Variants in ELAVL2 observed in about 807,000 individuals in gnomAD.
The protein encoded by ELAVL2 is ELAV-like protein 2.
In ELAVL2, 4 loss-of-function variants were observed where a neutral mutation model predicts 34.6. The observed-to-expected ratio is 0.12, with a 90% CI of 0.06 to 0.26. The LOEUF (loss-of-function observed/expected upper bound fraction) is 0.26. ELAVL2 is among the 10% of genes least tolerant of loss of function. The pLI, the probability that ELAVL2 is intolerant of heterozygous loss-of-function variation, is 1.00. For synonymous variants in ELAVL2, 193 were observed against 154.8 expected (o/e 1.25, Z -1.83); for missense variants, 432 against 442.8 (o/e 0.98, Z 0.22).
intron 2 of ELAVL2, among the ~76,000 whole-genome samples, chr9:23,758,710 C>T (rs1342387031): frequency 3.3e-5 from 5 of 152,088 alleles, no homozygotes; most frequent in Non-Finnish European, 7.4e-5. Flanking sequence ...ACTCACTCTT[C>T]CCACAGTCCC....
chr9:23,809,289 T>C (rs1021992694), intron 1 of ELAVL2, among the ~76,000 whole-genome samples: 1 of 152,090 alleles, frequency 6.6e-6, no homozygotes, highest in South Asian at 2.1e-4. Context: ...ATTTATACTC[T>C]AGGAAGAGTA....
the ELAVL2 span, among the ~76,000 whole-genome samples, chr9:23,833,415 C>T: frequency 6.6e-6 from 1 of 151,706 alleles, no homozygotes; most frequent in Non-Finnish European, 1.5e-5. Flanking sequence ...ACAGCTTAAA[C>T]TGTTCTTTAA....
At chr9:23,745,045 A>T (rs1271676820) in intron 2 of ELAVL2, among the ~76,000 whole-genome samples, 1 of 152,040 alleles carries the variant, frequency 6.6e-6, no homozygotes, top group Non-Finnish European at 1.5e-5. Context: ...GTCTCTACAA[A>T]ATATATAAAT....
At chr9:23,798,179 G>A (rs1398953388) in intron 1 of ELAVL2, among the ~76,000 whole-genome samples, 1 of 152,192 alleles carries the variant, frequency 6.6e-6, no homozygotes, top group Non-Finnish European at 1.5e-5. Flanking sequence ...TAACTCAAAT[G>A]TGCCTAAATT....
chr9:23,802,648 T>C (rs1190871226), intron 1 of ELAVL2, among the ~76,000 whole-genome samples: 1 of 152,194 alleles, frequency 6.6e-6, no homozygotes, highest in Non-Finnish European at 1.5e-5. Context: ...AAGAGTCCTC[T>C]GAGACTTCCT....
chr9:23,759,835 C>A (rs2135942880), intron 2 of ELAVL2, among the ~76,000 whole-genome samples: 1 of 141,060 alleles, frequency 7.1e-6, no homozygotes, highest in African/African-American at 2.6e-5. Flanking sequence ...TTTCAATACT[C>A]ATGACCATTG....
At chr9:23,791,853 G>A (rs1034708607) in intron 1 of ELAVL2, among the ~76,000 whole-genome samples, 2 of 152,232 alleles carry the variant, frequency 1.3e-5, no homozygotes, top group African/African-American at 4.8e-5. Context: ...TGCTACCCAG[G>A]CTATGGTATT....
At chr9:23,793,619 C>T (rs1358556333) in intron 1 of ELAVL2, among the ~76,000 whole-genome samples, 1 of 152,170 alleles carries the variant, frequency 6.6e-6, no homozygotes, top group East Asian at 1.9e-4. Flanking sequence ...GCCTCTTCAA[C>T]ACTCTCTTTA....
intron 3 of ELAVL2, among the ~76,000 whole-genome samples, chr9:23,718,902 C>A (rs909779886): frequency 2.0e-5 from 3 of 152,180 alleles, no homozygotes; most frequent in Non-Finnish European, 2.9e-5. Context: ...CTATTAGACA[C>A]CTGAGCTGTA....
intron 3 of ELAVL2, among the ~76,000 whole-genome samples, chr9:23,718,735 T>C (rs1199117803): frequency 6.6e-6 from 1 of 152,200 alleles, no homozygotes; most frequent in East Asian, 1.9e-4. Flanking sequence ...CCCTGAAACA[T>C]TAGTGAGTGT....
At chr9:23,714,021 A>G (rs1415824428) in intron 3 of ELAVL2, among the ~76,000 whole-genome samples, 2 of 152,216 alleles carry the variant, frequency 1.3e-5, no homozygotes, top group African/African-American at 4.8e-5. Flanking sequence ...ATGCAACAAT[A>G]AAACTATTAG....
rs1388517928 is a variant in ELAVL2, at chr9:23,801,022, T to C, written c.-16+24784A>G. On this transcript the variant is annotated intron_variant, in intron 1 of 6. Transcript: ENST00000397312. ...TTTACAGCTGGGCCCAGCAGAGATC[T>C]ACAAATTAAGGCTAATTGTGAACTG... Among the ~76,000 whole-genome samples, 7 of 152,186 alleles carry C rather than the reference T, an allele frequency of 4.6e-5. 1 individual carries two copies. The highest frequency in any genetic ancestry group is 8.8e-5 in the Non-Finnish European group (6 of 68,034).
chr9:23,714,447 C>A (rs916854134), intron 3 of ELAVL2, among the ~76,000 whole-genome samples: 1 of 152,180 alleles, frequency 6.6e-6, no homozygotes. Flanking sequence ...TGCTGGGAAG[C>A]CTGCAGCCTG....
At chr9:23,694,138 G>A (rs2132720414) in intron 5 of ELAVL2, among the ~76,000 whole-genome samples, 1 of 152,240 alleles carries the variant, frequency 6.6e-6, no homozygotes, top group South Asian at 2.1e-4. Context: ...TCACTCCAGT[G>A]TGCAACAAAG....
chr9:23,726,420 C>T (rs1587764217), intron 3 of ELAVL2, among the ~76,000 whole-genome samples: 1 of 151,998 alleles, frequency 6.6e-6, no homozygotes, highest in Non-Finnish European at 1.5e-5. Context: ...AGACCAAAAT[C>T]GGGCAGTTTT....
chr9:23,695,798 G>C (rs914099819), intron 5 of ELAVL2, among the ~76,000 whole-genome samples: 2 of 152,076 alleles, frequency 1.3e-5, no homozygotes, highest in African/African-American at 4.8e-5. Flanking sequence ...TAGACAATAG[G>C]AATTTTTTGC....
Position 23,705,172 on chromosome 9 carries a change from A to G in ELAVL2, c.334-101T>C, listed in dbSNP as rs1587408108. On this transcript the variant is annotated intron_variant, in intron 3 of 6. Transcript: ENST00000397312. ...TCGGTAACTTTCCCATGAACAGCAT[A>G]GAACACTGAAGTTCAAGCAAGTCAG... is the stretch of plus-strand genomic sequence containing the variant. 3 of 1,337,396 alleles carry G rather than the reference A, an allele frequency of 2.2e-6. No individual in the cohort carries two copies. The East Asian group carries it at 7.1e-5, about 32-fold the overall frequency. The allele number at this position is 1,337,396 out of a possible 1,614,324, so 82.8% of individuals were successfully genotyped here. A position where few individuals can be genotyped will look rare whatever the true frequency, so the allele number is the denominator to read the frequency against.
At chr9:23,760,765 T>C (rs2054791433) in intron 2 of ELAVL2, among the ~76,000 whole-genome samples, 1 of 152,046 alleles carries the variant, frequency 6.6e-6, no homozygotes, top group South Asian at 2.1e-4. Flanking sequence ...TCAATGACAA[T>C]CAGTTTGTAC....
intron 5 of ELAVL2, among the ~76,000 whole-genome samples, chr9:23,694,840 T>G (rs987541814): frequency 6.6e-6 from 1 of 151,948 alleles, no homozygotes. Flanking sequence ...ACAAAAGATC[T>G]TCGTGTGTGA....
Sources: allele counts gnomAD v4.1 joint callset (sites outside exome capture counted in the v4.1 genomes callset), GRCh38; gene constraint gnomAD v4.1.1; transcripts MANE v1.5; gene names NCBI Gene and HGNC (gene_info 2026-07-23, HGNC 2026-07-21).